The following ACTA2 variants were observed in gnomAD, a reference collection of about 807,000 sequenced individuals.
ACTA2 encodes actin, aortic smooth muscle.
A neutral mutation model predicts 39.5 loss-of-function variants in ACTA2; 12 were observed. The observed-to-expected ratio is 0.30, with a 90% CI of 0.19 to 0.49. The LOEUF is 0.49. ACTA2 is among the 20% of genes least tolerant of loss of function. The pLI, the probability that ACTA2 is intolerant of heterozygous loss-of-function variation, is 0.99. For synonymous variants in ACTA2, 158 were observed against 180.6 expected, an observed-to-expected ratio of 0.88 and a Z score of 1.00; for missense variants, 236 against 498.8, an observed-to-expected ratio of 0.47 and a Z score of 5.02.
At chr10:88,971,112 T>A (rs1235208876) in intron 1 of ACTA2, among the ~76,000 whole-genome samples, 1 of 152,230 alleles carries the variant, frequency 6.6e-6, no homozygotes, top group African/African-American at 2.4e-5. Context: ...TTTCAAGCAA[T>A]GCTTAGCCAA....
chr10:88,956,564 C>T (rs1678277703), upstream of ACTA2, among the ~76,000 whole-genome samples: 1 of 152,162 alleles, frequency 6.6e-6, no homozygotes, highest in South Asian at 2.1e-4. Context: ...AACATATCCA[C>T]AGGTTTAGGG....
chr10:88,970,567 T>C (rs149539056), intron 1 of ACTA2, among the ~76,000 whole-genome samples: 14 of 152,220 alleles, frequency 9.2e-5, no homozygotes, highest in African/African-American at 3.4e-4. Context: ...AATACTAAAA[T>C]TGCATTTAGA....
At chr10:88,937,085 T>C (rs1405302623) in intron 8 of ACTA2, among the ~76,000 whole-genome samples, 1 of 152,144 alleles carries the variant, frequency 6.6e-6, no homozygotes, top group Non-Finnish European at 1.5e-5. Context: ...TAAGAGCTGA[T>C]CAGAATGGCA....
chr10:88,975,240 T>G (rs564001467), intron 1 of ACTA2: 1 of 151,634 alleles, frequency 6.6e-6, no homozygotes, highest in South Asian at 2.1e-4. Context: ...TATTTTAAGG[T>G]TTGTGAGGAA....
intron 7 of ACTA2, 121 bp from the exon 8 acceptor site, chr10:88,938,363 A>G: frequency 9.0e-7 from 1 of 1,106,658 alleles, no homozygotes; most frequent in South Asian, 1.3e-5. Context: ...AGACATAATA[A>G]TCTAGGAACC....
chr10:88,973,227 A>C (rs767612117), intron 1 of ACTA2: 1 of 1,612,502 alleles, frequency 6.2e-7, no homozygotes, highest in Non-Finnish European at 8.5e-7. Context: ...TGCTTTGGAG[A>C]TGGAGCCCCT....
At chr10:88,978,526 C>T (rs1846630028) in intron 1 of ACTA2, among the ~76,000 whole-genome samples, 1 of 152,188 alleles carries the variant, frequency 6.6e-6, no homozygotes, top group African/African-American at 2.4e-5. Flanking sequence ...CCTTTCATCA[C>T]CCCTGCTCTG....
At chr10:88,986,970 A>G (rs1846914036) in intron 1 of ACTA2, among the ~76,000 whole-genome samples, 1 of 152,248 alleles carries the variant, frequency 6.6e-6, no homozygotes, top group African/African-American at 2.4e-5. Flanking sequence ...CCTGTAGGAA[A>G]TAATATGTTC....
At chr10:88,975,181 G>T (rs1421656087) in intron 1 of ACTA2, 5 of 151,378 alleles carry the variant, frequency 3.3e-5, no homozygotes, top group African/African-American at 1.2e-4. Flanking sequence ...TCAAGCAAGA[G>T]CAAACAATGA....
chr10:88,965,951 CAG>C (rs1218047637), intron 1 of ACTA2, among the ~76,000 whole-genome samples: 1 of 152,154 alleles, frequency 6.6e-6, no homozygotes, highest in Non-Finnish European at 1.5e-5. Flanking sequence ...TGAGTTAGAG[CAG>C]AGTTTCCTAA....
Position 88,990,753 on chromosome 10 carries a change from C to A in ACTA2, c.-24+186G>T. The A allele has an allele frequency of 8.1e-7, 1 of 1,241,932 alleles. No homozygotes were observed. Among genetic ancestry groups the A allele is most frequent in the Non-Finnish European group, 1.2e-6 (1 of 853,362 alleles). 76.9% of individuals were successfully genotyped at this position (1,241,932 alleles called of 1,614,324 possible). On this transcript the variant is annotated intron_variant, in intron 1 of 4. Coordinates refer to the ACTA2 transcript ENST00000415557. The surrounding 1 kb of genome is among the most constrained non-coding windows in gnomAD (Gnocchi z 4.9). ...GGAGCCTCAGGGGCGGGCACTGGCA[C>A]GGAACACACCCTGAGGCCAGCCCTG...
chr10:88,949,064 T>G (rs968772708), intron 1 of ACTA2, 111 bp from the exon 2 acceptor site: 5 of 947,400 alleles, frequency 5.3e-6, no homozygotes, highest in African/African-American at 1.6e-5. Flanking sequence ...TGTGTCCTAG[T>G]GCTATCCTCT....
intron 1 of ACTA2, among the ~76,000 whole-genome samples, chr10:88,965,664 A>C (rs111669760): frequency 1.6e-5 from 1 of 62,878 alleles, no homozygotes; most frequent in African/African-American, 6.9e-5. Flanking sequence ...AGCCATTATA[A>C]TGCAAAGCAT....
At chr10:88,954,763 T>C (rs1846106562), upstream of ACTA2, among the ~76,000 whole-genome samples, 1 of 152,090 alleles carries the variant, frequency 6.6e-6, no homozygotes, top group Non-Finnish European at 1.5e-5. Flanking sequence ...TTTCAAATAA[T>C]CTATGACACT....
At chr10:88,974,356 C>T (rs2133331324) in intron 1 of ACTA2, 1 of 152,128 alleles carries the variant, frequency 6.6e-6, no homozygotes, top group East Asian at 1.9e-4. Flanking sequence ...AGATTTTGCA[C>T]TTCAAATTGG....
intron 6 of ACTA2, chr10:88,940,651 A>G: frequency 5.8e-6 from 1 of 172,366 alleles, no homozygotes; most frequent in Admixed American, 5.4e-5. Context: ...GCACCGGCTT[A>G]GAATCTGAAT....
chr10:88,941,072 C>T (rs1845838731), intron 6 of ACTA2, 157 bp downstream of exon 6: 2 of 939,902 alleles, frequency 2.1e-6, no homozygotes, highest in Admixed American at 2.0e-5. Context: ...TGCAACTTCA[C>T]ACAGCAAAGA....
At chr10:88,973,418 C>T (rs1805370377) in intron 1 of ACTA2, 1 of 1,252,192 alleles carries the variant, frequency 8.0e-7, no homozygotes, top group South Asian at 2.1e-5. Flanking sequence ...ACAACTCTTT[C>T]TTGTTAGCCA....
At chr10:88,947,969 AT>A (rs890861898) in intron 2 of ACTA2, among the ~76,000 whole-genome samples, 1 of 152,206 alleles carries the variant, frequency 6.6e-6, no homozygotes, top group Non-Finnish European at 1.5e-5. Context: ...AGTCAGCTGC[AT>A]TTAAAAAAAA....
Sources: allele counts gnomAD v4.1 joint callset (sites outside exome capture counted in the v4.1 genomes callset), GRCh38; gene constraint gnomAD v4.1.1; non-coding constraint Gnocchi (gnomAD v3.1); transcripts MANE v1.5; gene names NCBI Gene and HGNC (gene_info 2026-07-23, HGNC 2026-07-21).